EXOC4: variants seen among roughly 807,000 people sequenced by gnomAD.
EXOC4 encodes the protein SEC8-like 1.
In EXOC4, 71 loss-of-function variants were observed where a neutral mutation model predicts 107.2. The observed-to-expected ratio is 0.66, with a 90% CI of 0.55 to 0.81. EXOC4 has a LOEUF of 0.81. Ranked by LOEUF, EXOC4 falls within the 30% of genes least tolerant of loss-of-function variation. The pLI is 0.00. For synonymous variants in EXOC4, 456 were observed against 441.2 expected, an observed-to-expected ratio of 1.03 and a Z score of -0.42; for missense variants, 1,108 against 1,189.6, an observed-to-expected ratio of 0.93 and a Z score of 1.01.
intron 15 of EXOC4, among the ~76,000 whole-genome samples, chr7:134,001,289 C>G (rs1794525052): frequency 6.6e-6 from 1 of 152,156 alleles, no homozygotes; most frequent in Non-Finnish European, 1.5e-5. Flanking sequence ...CAGCAACTGC[C>G]TATCACTGTT....
At chr7:133,287,460 G>A (rs781663322) in intron 2 of EXOC4, among the ~76,000 whole-genome samples, 2 of 151,942 alleles carry the variant, frequency 1.3e-5, no homozygotes, top group African/African-American at 4.8e-5. Flanking sequence ...ATAGGCACCC[G>A]CCACCATGCC....
intron 14 of EXOC4, among the ~76,000 whole-genome samples, chr7:133,956,911 G>A (rs557372387): frequency 3.7e-4 from 56 of 152,100 alleles, no homozygotes; most frequent in Middle Eastern, 6.9e-3. Flanking sequence ...AATCACTTTG[G>A]CCTGTACAGA....
At chr7:133,557,542 A>T (rs779697169) in intron 9 of EXOC4, among the ~76,000 whole-genome samples, 1 of 152,208 alleles carries the variant, frequency 6.6e-6, no homozygotes, top group Non-Finnish European at 1.5e-5. Context: ...GAATAAATAG[A>T]GTCAATAGAT....
chr7:134,062,378 C>G (rs1796083948), intron 17 of EXOC4, among the ~76,000 whole-genome samples: 1 of 152,142 alleles, frequency 6.6e-6, no homozygotes, highest in South Asian at 2.1e-4. Context: ...ATAAAACAGG[C>G]CTGAAATTAT....
rs73148952 is a variant in EXOC4, at chr7:133,391,995, G to A, written c.1182+16993G>A. Reference sequence around the variant, plus strand: ...CAAATAAAGGAATTACTTACTTTCCGCAGTAGTATAGGCAAGCACAACAGA... The same window carrying A: ...CAAATAAAGGAATTACTTACTTTCCACAGTAGTATAGGCAAGCACAACAGA... On this transcript the variant is annotated intron_variant, in intron 7 of 17. Transcript: ENST00000253861. Among the ~76,000 whole-genome samples the A allele has an allele frequency of 6.2e-3, 950 of 152,270 alleles. 9 individuals are homozygous for A. Among genetic ancestry groups the A allele is most frequent in the Middle Eastern group, 0.01 (3 of 294 alleles).
At chr7:133,610,154 A>G (rs1442834176) in intron 9 of EXOC4, among the ~76,000 whole-genome samples, 1 of 152,204 alleles carries the variant, frequency 6.6e-6, no homozygotes, top group African/African-American at 2.4e-5. Context: ...GGGACAGAGA[A>G]TTCTTTAGGG....
chr7:133,458,486 C>T (rs902719478), intron 7 of EXOC4, among the ~76,000 whole-genome samples: 13 of 152,170 alleles, frequency 8.5e-5, no homozygotes, highest in Admixed American at 7.9e-4. Flanking sequence ...ATGGAGGAAG[C>T]ACCTTGTGTT....
intron 1 of EXOC4, 61 bp from the exon 2 acceptor site, chr7:133,274,921 C>G: frequency 7.5e-7 from 1 of 1,326,550 alleles, no homozygotes; most frequent in Non-Finnish European, 1.0e-6. Flanking sequence ...TCTGCTTCAC[C>G]TTTCTTTTGC....
chr7:133,616,126 A>G (rs773367887), intron 9 of EXOC4, among the ~76,000 whole-genome samples: 31 of 152,284 alleles, frequency 2.0e-4, no homozygotes, highest in Middle Eastern at 3.4e-3. Flanking sequence ...CTACCAAACA[A>G]TGGTAACTTA....
intron 10 of EXOC4, among the ~76,000 whole-genome samples, chr7:133,641,598 C>T (rs1013831016): frequency 2.0e-5 from 3 of 152,168 alleles, no homozygotes; most frequent in Non-Finnish European, 4.4e-5. Flanking sequence ...CTGGTGGCTG[C>T]CAGTATCGCT....
chr7:133,565,549 A>C (rs891028605), intron 9 of EXOC4, among the ~76,000 whole-genome samples: 1 of 152,194 alleles, frequency 6.6e-6, no homozygotes, highest in African/African-American at 2.4e-5. Flanking sequence ...CAGTAGCCCT[A>C]GGGTAGAGTT....
At chr7:133,406,423 C>T (rs1374478819) in intron 7 of EXOC4, among the ~76,000 whole-genome samples, 1 of 152,134 alleles carries the variant, frequency 6.6e-6, no homozygotes, top group Non-Finnish European at 1.5e-5. Flanking sequence ...AACTTATATC[C>T]ATTATATTAC....
chr7:133,759,133 C>T (rs1193206143), intron 10 of EXOC4, among the ~76,000 whole-genome samples: 1 of 147,990 alleles, frequency 6.8e-6, no homozygotes, highest in Non-Finnish European at 1.5e-5. Context: ...AACAAACAAA[C>T]CAACAAAAGA....
chr7:134,036,774 T>G (rs1294687426), intron 17 of EXOC4, among the ~76,000 whole-genome samples: 1 of 152,204 alleles, frequency 6.6e-6, no homozygotes, highest in Non-Finnish European at 1.5e-5. Flanking sequence ...AGTTTCCTTG[T>G]TTTGCTTGGT....
intron 13 of EXOC4, among the ~76,000 whole-genome samples, chr7:133,932,382 A>C (rs1800198088): frequency 6.6e-6 from 1 of 152,126 alleles, no homozygotes; most frequent in Admixed American, 6.6e-5. Context: ...AACCCAACAA[A>C]AAATTCTTTT....
At chr7:133,741,566 A>C (rs908989032) in intron 10 of EXOC4, among the ~76,000 whole-genome samples, 2 of 152,152 alleles carry the variant, frequency 1.3e-5, no homozygotes, top group Non-Finnish European at 2.9e-5. Flanking sequence ...CCTGTATTCT[A>C]CCATCTGGGA....
chr7:133,795,388 A>T (rs1796793189), intron 10 of EXOC4, among the ~76,000 whole-genome samples: 1 of 152,174 alleles, frequency 6.6e-6, no homozygotes, highest in African/African-American at 2.4e-5. Context: ...TCATAATGAG[A>T]TAGCAGTGAT....
At chr7:134,086,644 C>G in the EXOC4 span, among the ~76,000 whole-genome samples, 1 of 152,088 alleles carries the variant, frequency 6.6e-6, no homozygotes, top group African/African-American at 2.4e-5. Context: ...AGTATTGTTA[C>G]AGGAGAAGGG....
At chr7:133,928,476 C>T (rs976513749) in intron 13 of EXOC4, among the ~76,000 whole-genome samples, 1 of 152,232 alleles carries the variant, frequency 6.6e-6, no homozygotes, top group African/African-American at 2.4e-5. Context: ...CTCCTCACAT[C>T]TGTCTTTCTC....
Sources: allele counts gnomAD v4.1 joint callset (sites outside exome capture counted in the v4.1 genomes callset), GRCh38; gene constraint gnomAD v4.1.1; transcripts MANE v1.5; gene names NCBI Gene and HGNC (gene_info 2026-07-23, HGNC 2026-07-21).